The following RARB variants were observed in gnomAD, a reference collection of about 807,000 sequenced individuals.
The protein encoded by RARB is HBV-activated protein.
RARB carries 17 observed loss-of-function variants against 51.9 expected under a neutral mutation model. The observed-to-expected ratio is 0.33, with a 90% CI of 0.22 to 0.49. RARB has a LOEUF of 0.49. Among genes scored for constraint, RARB ranks in the 20% least tolerant of loss-of-function variants. The pLI, the probability that RARB is intolerant of heterozygous loss-of-function variation, is 0.99. For synonymous variants in RARB, 215 were observed against 195.4 expected (o/e 1.10, Z -0.84); for missense variants, 369 against 550.8 (o/e 0.67, Z 3.30).
At chr3:24,939,283 T>C (rs1169647799) in intron 2 of RARB, among the ~76,000 whole-genome samples, 1 of 152,344 alleles carries the variant, frequency 6.6e-6, no homozygotes, top group South Asian at 2.1e-4. Flanking sequence ...TGAACTTTTA[T>C]GTACAGTGAC....
At chr3:25,204,584 G>A (rs1701483879) in intron 5 of RARB, among the ~76,000 whole-genome samples, 1 of 152,194 alleles carries the variant, frequency 6.6e-6, no homozygotes, top group African/African-American at 2.4e-5. Context: ...TGATGATGGT[G>A]ATGTACAGAT....
chr3:25,156,323 A>G (rs1236765128), intron 4 of RARB, among the ~76,000 whole-genome samples: 4 of 152,174 alleles, frequency 2.6e-5, no homozygotes, highest in African/African-American at 9.7e-5. Context: ...TTCTATGCCA[A>G]TGTGCTAATA....
intron 4 of RARB, among the ~76,000 whole-genome samples, chr3:25,139,548 T>A (rs1228911581): frequency 6.6e-6 from 1 of 152,058 alleles, no homozygotes; most frequent in Non-Finnish European, 1.5e-5. Flanking sequence ...GGAAAAAAAG[T>A]TTGAAACTAG....
intron 1 of RARB, among the ~76,000 whole-genome samples, chr3:25,459,099 A>G (rs921202670): frequency 5.9e-5 from 9 of 152,232 alleles, no homozygotes; most frequent in African/African-American, 2.2e-4. Flanking sequence ...AAAATTATAT[A>G]CAAACATCTA....
At chr3:25,048,838 C>T (rs1010522892) in intron 2 of RARB, among the ~76,000 whole-genome samples, 25 of 139,080 alleles carry the variant, frequency 1.8e-4, no homozygotes, top group Non-Finnish European at 3.6e-4. Flanking sequence ...TCACTGCAAG[C>T]TCCGCCTCCC....
upstream of RARB, among the ~76,000 whole-genome samples, chr3:25,424,314 A>AT (rs1707931947): frequency 6.6e-6 from 1 of 152,208 alleles, no homozygotes. Context: ...GCAGGTGTTC[A>AT]TACTGAAGGG....
At chr3:24,921,913 T>G (rs1422828789) in intron 2 of RARB, among the ~76,000 whole-genome samples, 1 of 152,240 alleles carries the variant, frequency 6.6e-6, no homozygotes, top group Non-Finnish European at 1.5e-5. Context: ...TTTGCTGACT[T>G]GAAGGCTGCA....
chr3:25,587,940 G>A (rs886626287), intron 5 of RARB, among the ~76,000 whole-genome samples: 5 of 152,164 alleles, frequency 3.3e-5, no homozygotes, highest in Non-Finnish European at 5.9e-5. Flanking sequence ...ATAGAAGAGA[G>A]TCTGATGAAG....
At chr3:25,276,860 C>T (rs371738902) in intron 5 of RARB, among the ~76,000 whole-genome samples, 63 of 152,036 alleles carry the variant, frequency 4.1e-4, no homozygotes, top group African/African-American at 6.3e-4. Flanking sequence ...TTGACTAATA[C>T]GGTATATATT....
intron 3 of RARB, among the ~76,000 whole-genome samples, chr3:25,081,539 C>G (rs147746637): frequency 7.9e-6 from 1 of 126,336 alleles, no homozygotes; most frequent in African/African-American, 2.9e-5. Flanking sequence ...TGTAATTGTA[C>G]ATGTGCCTAT....
intron 2 of RARB, among the ~76,000 whole-genome samples, chr3:24,900,935 C>G (rs1044036842): frequency 6.6e-6 from 1 of 152,098 alleles, no homozygotes; most frequent in Non-Finnish European, 1.5e-5. Context: ...TGCATACATA[C>G]AAGATTCATT....
At chr3:25,106,451 G>GGTTTTTTTTTTTTTTTTTTT (rs1575163102) in intron 3 of RARB, among the ~76,000 whole-genome samples, 3 of 70,554 alleles carry the variant, frequency 4.3e-5, no homozygotes, top group African/African-American at 1.9e-4. Context: ...ACTGTTTTTT[G>GGTTTTTTTTTTTTTTTTTTT]TTTTTTGTTT....
intron 2 of RARB, among the ~76,000 whole-genome samples, chr3:24,894,770 C>A (rs965753566): frequency 6.6e-6 from 1 of 152,034 alleles, no homozygotes; most frequent in Non-Finnish European, 1.5e-5. Context: ...CATAATATAT[C>A]AATTATGTGT....
At chr3:24,909,481 C>T (rs772959034) in intron 2 of RARB, among the ~76,000 whole-genome samples, 3 of 152,040 alleles carry the variant, frequency 2.0e-5, no homozygotes, top group Admixed American at 6.6e-5. Flanking sequence ...GCACACGAGG[C>T]CTGTCTCCTA....
chr3:25,033,145 T>C (rs1348218460), intron 2 of RARB, among the ~76,000 whole-genome samples: 3 of 152,216 alleles, frequency 2.0e-5, no homozygotes, highest in Non-Finnish European at 4.4e-5. Flanking sequence ...ATGTAGATCA[T>C]ATTAATGATT....
At chr3:25,027,952 A>G (rs1397454414) in intron 2 of RARB, among the ~76,000 whole-genome samples, 1 of 142,306 alleles carries the variant, frequency 7.0e-6, no homozygotes, top group African/African-American at 2.6e-5. Flanking sequence ...TCTGAAATAA[A>G]CAGGCCTTCA....
intron 5 of RARB, among the ~76,000 whole-genome samples, chr3:25,306,600 CAT>C (rs768048018): frequency 2.0e-5 from 3 of 151,768 alleles, no homozygotes; most frequent in Admixed American, 6.6e-5. Context: ...GCAACTGAAA[CAT>C]ATTGATTTTC....
chr3:24,831,859 TTGAAGAGCTACACATTGTG>T (rs1273670098), intron 1 of RARB, among the ~76,000 whole-genome samples: 4 of 152,100 alleles, frequency 2.6e-5, no homozygotes, highest in African/African-American at 4.8e-5. Flanking sequence ...CAAAACTAAA[TTGAAGAGCTACACATTGTG>T]TGATGAAGCA....
chr3:25,403,291 A>G (rs940343625), intron 5 of RARB, among the ~76,000 whole-genome samples: 2 of 152,174 alleles, frequency 1.3e-5, no homozygotes, highest in African/African-American at 2.4e-5. Context: ...CTAATGATAA[A>G]TGCTTGAGGG....
Sources: allele counts gnomAD v4.1 joint callset (sites outside exome capture counted in the v4.1 genomes callset), GRCh38; gene constraint gnomAD v4.1.1; transcripts MANE v1.5; gene names NCBI Gene and HGNC (gene_info 2026-07-23, HGNC 2026-07-21).